Variants in ROBO1 observed in about 807,000 individuals in gnomAD.
ROBO1 encodes the protein roundabout homolog 1.
In ROBO1, 149 loss-of-function variants were observed where a neutral mutation model predicts 195.9. The observed-to-expected ratio is 0.76, with a 90% CI of 0.67 to 0.87. The LOEUF (loss-of-function observed/expected upper bound fraction) is 0.87. ROBO1 is among the 40% of genes least tolerant of loss of function. The probability of loss-of-function intolerance (pLI) is 0.00; values close to 1 mark genes in which losing one functional copy is unlikely to be tolerated. For synonymous variants in ROBO1, 816 were observed against 733.2 expected, an observed-to-expected ratio of 1.11 and a Z score of -1.82; for missense variants, 1,933 against 2,068.3, an observed-to-expected ratio of 0.93 and a Z score of 1.27.
chr3:78,939,916 G>T (rs1379336614), intron 3 of ROBO1, among the ~76,000 whole-genome samples: 1 of 151,966 alleles, frequency 6.6e-6, no homozygotes, highest in Non-Finnish European at 1.5e-5. Context: ...AATAAATGAA[G>T]CCCTGAGTGT....
At chr3:78,778,867 C>A (rs1487009582) in intron 4 of ROBO1, among the ~76,000 whole-genome samples, 1 of 152,120 alleles carries the variant, frequency 6.6e-6, no homozygotes, top group Non-Finnish European at 1.5e-5. Flanking sequence ...AAATATAGTA[C>A]AAGGCTACAG....
chr3:79,695,042 A>G (rs571449872), intron 1 of ROBO1, among the ~76,000 whole-genome samples: 5 of 151,796 alleles, frequency 3.3e-5, no homozygotes, highest in South Asian at 4.1e-4. Flanking sequence ...AGAAAAATAC[A>G]GTTTTTAAAA....
intron 1 of ROBO1, among the ~76,000 whole-genome samples, chr3:79,601,534 T>C (rs1944339448): frequency 6.6e-6 from 1 of 151,856 alleles, no homozygotes; most frequent in South Asian, 2.1e-4. Flanking sequence ...AAAATCACTA[T>C]TTGTTGAGTT....
intron 2 of ROBO1, among the ~76,000 whole-genome samples, chr3:79,549,904 C>A (rs1280265825): frequency 2.0e-5 from 3 of 151,864 alleles, no homozygotes; most frequent in Non-Finnish European, 4.4e-5. Context: ...ATGGCAAGAT[C>A]GCTTGAGGCC....
chr3:79,233,276 A>G (rs1463664877), intron 2 of ROBO1, among the ~76,000 whole-genome samples: 1 of 152,104 alleles, frequency 6.6e-6, no homozygotes, highest in Non-Finnish European at 1.5e-5. Flanking sequence ...CTTTATTTCT[A>G]TCTTTGGGTG....
intron 14 of ROBO1, among the ~76,000 whole-genome samples, chr3:78,662,663 A>G (rs528302145): frequency 9.8e-5 from 15 of 152,334 alleles, no homozygotes; most frequent in Admixed American, 4.6e-4. Context: ...AGTGGCTACA[A>G]TGGAGGTGAT....
At chr3:79,577,347 A>G (rs1030656386) in intron 2 of ROBO1, among the ~76,000 whole-genome samples, 3 of 152,156 alleles carry the variant, frequency 2.0e-5, no homozygotes, top group Non-Finnish European at 4.4e-5. Flanking sequence ...GAAAATATTA[A>G]GTATTTAAAA....
At chr3:79,083,792 T>C (rs1184045211) in intron 3 of ROBO1, among the ~76,000 whole-genome samples, 2 of 152,190 alleles carry the variant, frequency 1.3e-5, no homozygotes, top group Non-Finnish European at 2.9e-5. Context: ...AAAAGACAAT[T>C]CTCTCAGGGT....
At chr3:78,728,662 A>T (rs2082220129) in intron 5 of ROBO1, among the ~76,000 whole-genome samples, 1 of 152,232 alleles carries the variant, frequency 6.6e-6, no homozygotes, top group African/African-American at 2.4e-5. Flanking sequence ...CACATTGTAA[A>T]GAAAATATGA....
chr3:78,956,296 A>C (rs2041044944), intron 3 of ROBO1, among the ~76,000 whole-genome samples: 1 of 152,140 alleles, frequency 6.6e-6, no homozygotes, highest in African/African-American at 2.4e-5. Flanking sequence ...ATTTAATGCA[A>C]AAAGATTAGA....
At chr3:79,374,598 G>A (rs564137783) in intron 2 of ROBO1, among the ~76,000 whole-genome samples, 1 of 152,122 alleles carries the variant, frequency 6.6e-6, no homozygotes, top group Admixed American at 6.6e-5. Context: ...TAAGATATGT[G>A]CATATTTTAA....
intron 10 of ROBO1, among the ~76,000 whole-genome samples, chr3:78,682,269 G>GAAAGACAT (rs1358989849): frequency 6.6e-6 from 1 of 150,446 alleles, no homozygotes; most frequent in Non-Finnish European, 1.5e-5. Context: ...AATACTGAAG[G>GAAAGACAT]AAAGACATAA....
intron 2 of ROBO1, among the ~76,000 whole-genome samples, chr3:79,177,610 A>C (rs1403878164): frequency 6.6e-6 from 1 of 152,228 alleles, no homozygotes; most frequent in Non-Finnish European, 1.5e-5. Flanking sequence ...TTACACTCAG[A>C]AGAAATCTAA....
Position 78,916,022 on chromosome 3 carries a change from T to C in ROBO1, c.499+22579A>G, listed in dbSNP as rs541339538. ...ATCCCAGCACTTTGGGAGGCCGAGGTGGGCGGATCACGAGGTCAGGAAATC... is the reference window on the plus strand; with the variant it reads ...ATCCCAGCACTTTGGGAGGCCGAGGCGGGCGGATCACGAGGTCAGGAAATC... On this transcript the variant is annotated intron_variant, in intron 4 of 30. Transcript: ENST00000464233. 7.9e-5 allele frequency among the ~76,000 whole-genome samples: 12 copies of C among 151,760 alleles called. No homozygotes were observed. In the South Asian group the frequency reaches 1.0e-3, roughly 13 times the overall value.
At chr3:78,996,719 C>A (rs2077376471) in intron 3 of ROBO1, among the ~76,000 whole-genome samples, 2 of 152,092 alleles carry the variant, frequency 1.3e-5, no homozygotes, top group South Asian at 2.1e-4. Flanking sequence ...CACACAAACA[C>A]ACACACACAC....
intron 4 of ROBO1, among the ~76,000 whole-genome samples, chr3:78,923,891 GTTT>G (rs2039072572): frequency 1.3e-5 from 2 of 151,876 alleles, no homozygotes; most frequent in African/African-American, 4.8e-5. Context: ...AATGAGCTAT[GTTT>G]TCAAATTGGT....
intron 4 of ROBO1, among the ~76,000 whole-genome samples, chr3:78,892,436 T>A (rs887033392): frequency 6.6e-6 from 1 of 152,186 alleles, no homozygotes; most frequent in Non-Finnish European, 1.5e-5. Context: ...ATTGGCCAGA[T>A]TATCACCTTG....
At chr3:79,748,934 G>A (rs1455125456) in intron 1 of ROBO1, among the ~76,000 whole-genome samples, 1 of 152,178 alleles carries the variant, frequency 6.6e-6, no homozygotes, top group Non-Finnish European at 1.5e-5. Flanking sequence ...AATGAGTACA[G>A]TGGGGTCCTG....
intron 4 of ROBO1, among the ~76,000 whole-genome samples, chr3:78,820,780 C>A (rs1188487275): frequency 1.3e-5 from 2 of 152,124 alleles, no homozygotes; most frequent in South Asian, 2.1e-4. Context: ...CAGACTGACT[C>A]TTATATCATT....
Sources: gnomAD v4.1 joint callset for allele counts (sites outside exome capture counted in the v4.1 genomes callset) on GRCh38, gnomAD v4.1.1 for gene constraint, MANE v1.5 for transcripts, NCBI Gene and HGNC (gene_info 2026-07-23, HGNC 2026-07-21) for gene names.